CCSER1: variants seen among roughly 807,000 people sequenced by gnomAD.
CCSER1 encodes coiled-coil serine rich protein 1.
CCSER1 carries 41 observed loss-of-function variants against 82.0 expected under a neutral mutation model. The ratio of observed to expected loss-of-function variants is 0.50; its 90% CI spans 0.39 to 0.65. CCSER1 has a LOEUF of 0.65. Among genes scored for constraint, CCSER1 ranks in the 30% least tolerant of loss-of-function variants. The pLI is 0.00. For synonymous variants in CCSER1, 414 were observed against 383.9 expected (o/e 1.08, Z -0.92); for missense variants, 1,119 against 1,064.2 (o/e 1.05, Z -0.72).
intron 10 of CCSER1, among the ~76,000 whole-genome samples, chr4:91,215,525 T>C (rs1467597478): frequency 6.6e-6 from 1 of 152,106 alleles, no homozygotes; most frequent in African/African-American, 2.4e-5. Context: ...GAGTCCCATG[T>C]TCAAGGGTAG....
intron 1 of CCSER1, among the ~76,000 whole-genome samples, chr4:90,283,611 C>T (rs983816980): frequency 6.6e-6 from 1 of 151,950 alleles, no homozygotes; most frequent in African/African-American, 2.4e-5. Context: ...AGATCTTATT[C>T]CTTATATCTA....
intron 6 of CCSER1, among the ~76,000 whole-genome samples, chr4:90,671,565 A>G (rs988599533): frequency 1.2e-4 from 18 of 151,994 alleles, no homozygotes; most frequent in African/African-American, 4.3e-4. Context: ...TTTCCATCAC[A>G]TCTGCTGTTA....
chr4:90,655,116 G>T (rs1729474189), intron 6 of CCSER1, among the ~76,000 whole-genome samples: 1 of 151,800 alleles, frequency 6.6e-6, no homozygotes, highest in East Asian at 1.9e-4. Context: ...TTGATATTTG[G>T]CCTGGTGGTT....
intron 5 of CCSER1, among the ~76,000 whole-genome samples, chr4:90,610,734 C>T (rs9998006): frequency 0.48 from 73,044 of 151,970 alleles, 20,847 homozygotes; most frequent in African/African-American, 0.8. Context: ...ACACACATAA[C>T]AATGAAGGCA....
intron 10 of CCSER1, among the ~76,000 whole-genome samples, chr4:91,378,800 G>A: frequency 6.6e-6 from 1 of 152,120 alleles, no homozygotes; most frequent in Admixed American, 6.6e-5. Flanking sequence ...GAATAGGAGT[G>A]GTAAGAGAGG....
At chr4:91,053,148 A>G (rs1743152906) in intron 9 of CCSER1, among the ~76,000 whole-genome samples, 1 of 152,326 alleles carries the variant, frequency 6.6e-6, no homozygotes, top group East Asian at 1.9e-4. Flanking sequence ...TGAAAAAACC[A>G]TAATCTTTCT....
At chr4:91,055,345 A>G (rs1314485887) in intron 9 of CCSER1, among the ~76,000 whole-genome samples, 1 of 152,218 alleles carries the variant, frequency 6.6e-6, no homozygotes, top group Non-Finnish European at 1.5e-5. Flanking sequence ...TATCCGAAAC[A>G]TGAACTAATT....
chr4:91,178,958 T>C (rs1469568033), intron 10 of CCSER1, among the ~76,000 whole-genome samples: 1 of 152,190 alleles, frequency 6.6e-6, no homozygotes, highest in Non-Finnish European at 1.5e-5. Flanking sequence ...CTTTCCATTT[T>C]TAGTGCTTCC....
chr4:91,196,178 C>CAAAAAAAAAAAA (rs61336014), intron 10 of CCSER1, among the ~76,000 whole-genome samples: 1 of 60,820 alleles, frequency 1.6e-5, no homozygotes, highest in African/African-American at 4.3e-5. Flanking sequence ...AACAGCGAGA[C>CAAAAAAAAAAAA]AAAAAAAAAA....
Position 90,308,308 on chromosome 4 carries a change from A to G in CCSER1, c.24A>G (p.Arg8=). The G allele has an allele frequency of 1.3e-6, 2 of 1,593,126 alleles. No individual in the cohort carries two copies. Among genetic ancestry groups the G allele is most frequent in the Non-Finnish European group, 1.7e-6 (2 of 1,169,262 alleles). Residue 8 remains arginine (R), a synonymous_variant, in exon 2 of 11, where the codon CGA becomes CGG. Coordinates refer to ENST00000509176, the MANE Select transcript of CCSER1 (RefSeq NM_001145065.2). MGDSGSR[R]STLVSRLPIF... is the part of the protein sequence containing the mutation. ...CAATGGGGGACTCAGGATCAAGACG[A>G]TCTACCCTGGTCTCCCGGTTGCCAA... is the stretch of plus-strand genomic sequence containing the variant.
At chr4:90,875,636 A>G (rs1403955340) in intron 8 of CCSER1, among the ~76,000 whole-genome samples, 1 of 152,198 alleles carries the variant, frequency 6.6e-6, no homozygotes, top group Non-Finnish European at 1.5e-5. Flanking sequence ...TACAATATCA[A>G]TTATTCCCTA....
At chr4:90,544,362 T>C (rs1776488293) in intron 5 of CCSER1, among the ~76,000 whole-genome samples, 1 of 152,056 alleles carries the variant, frequency 6.6e-6, no homozygotes, top group South Asian at 2.1e-4. Flanking sequence ...GGTTATGACT[T>C]ATTATGTCAA....
chr4:90,782,915 C>G (rs1214162796), intron 7 of CCSER1, among the ~76,000 whole-genome samples: 1 of 151,014 alleles, frequency 6.6e-6, no homozygotes, highest in South Asian at 2.1e-4. Flanking sequence ...CTCCTGTGAT[C>G]GAGATCCCCC....
intron 3 of CCSER1, among the ~76,000 whole-genome samples, chr4:90,348,458 A>G (rs1742811652): frequency 6.6e-6 from 1 of 152,132 alleles, no homozygotes; most frequent in Non-Finnish European, 1.5e-5. Context: ...GGACATTAAC[A>G]TTCTTATCTC....
intron 8 of CCSER1, among the ~76,000 whole-genome samples, chr4:90,883,320 A>G (rs905405270): frequency 6.6e-6 from 1 of 152,076 alleles, no homozygotes; most frequent in Non-Finnish European, 1.5e-5. Context: ...AATGGCCCAC[A>G]AAACTTTGTT....
chr4:90,691,577 A>G (rs1386670167), intron 6 of CCSER1, among the ~76,000 whole-genome samples: 1 of 151,000 alleles, frequency 6.6e-6, no homozygotes, highest in East Asian at 1.9e-4. Flanking sequence ...TCACATGTAT[A>G]ATGCATGTGA....
intron 8 of CCSER1, among the ~76,000 whole-genome samples, chr4:90,842,120 T>C (rs1188376707): frequency 6.6e-6 from 1 of 152,204 alleles, no homozygotes; most frequent in Non-Finnish European, 1.5e-5. Context: ...CTGGACTAAT[T>C]TGTTAGTCAA....
At chr4:90,778,466 C>T (rs2149597442) in intron 7 of CCSER1, among the ~76,000 whole-genome samples, 1 of 149,498 alleles carries the variant, frequency 6.7e-6, no homozygotes, top group South Asian at 2.1e-4. Context: ...ATCTAAGAAG[C>T]AAAATTTATT....
chr4:90,533,482 C>A (rs956696683), intron 5 of CCSER1, among the ~76,000 whole-genome samples: 3 of 152,224 alleles, frequency 2.0e-5, no homozygotes, highest in African/African-American at 7.2e-5. Flanking sequence ...CCATCAGAAG[C>A]CTGAATGCCT....
Sources: gnomAD v4.1 joint callset for allele counts (sites outside exome capture counted in the v4.1 genomes callset) on GRCh38, gnomAD v4.1.1 for gene constraint, MANE v1.5 for transcripts, NCBI Gene and HGNC (gene_info 2026-07-23, HGNC 2026-07-21) for gene names.